Variants in KDM7A observed in about 807,000 individuals in gnomAD.
KDM7A encodes the protein lysine-specific demethylase 7A.
A neutral mutation model predicts 114.8 loss-of-function variants in KDM7A; 28 were observed. The observed-to-expected ratio is 0.24, with a 90% CI of 0.18 to 0.33. The LOEUF (loss-of-function observed/expected upper bound fraction) is 0.33, where lower values mean the gene tolerates loss of function less well. Among genes scored for constraint, KDM7A ranks in the 10% least tolerant of loss-of-function variants. The pLI is 1.00. For missense variants in KDM7A, 942 were observed against 1,142.5 expected (o/e 0.82, Z 2.53); for synonymous variants, 423 against 397.8 (o/e 1.06, Z -0.75).
intron 1 of KDM7A, among the ~76,000 whole-genome samples, chr7:140,165,087 T>C (rs553188872): frequency 1.3e-5 from 2 of 152,274 alleles, no homozygotes; most frequent in Admixed American, 6.5e-5. Flanking sequence ...AAAAGACAAA[T>C]TAAAATAAGT....
intron 1 of KDM7A, among the ~76,000 whole-genome samples, chr7:140,149,018 A>T (rs550116512): frequency 9.2e-5 from 14 of 152,106 alleles, no homozygotes; most frequent in African/African-American, 2.9e-4. Flanking sequence ...CACTTTTCCT[A>T]CCTCCAACAG....
At chr7:140,102,705 G>A (rs1288473437) in intron 11 of KDM7A, among the ~76,000 whole-genome samples, 1 of 152,158 alleles carries the variant, frequency 6.6e-6, no homozygotes, top group Non-Finnish European at 1.5e-5. Context: ...ATTAAAGGCT[G>A]TGTTGCATTC....
At chr7:140,112,096 T>A (rs183202941) in intron 10 of KDM7A, among the ~76,000 whole-genome samples, 1 of 152,370 alleles carries the variant, frequency 6.6e-6, no homozygotes, top group Admixed American at 6.5e-5. Context: ...TAAATTTGCT[T>A]ATGGCTTTCC....
rs534162008 is a variant in KDM7A, at chr7:140,127,053, C to T, written c.702-230G>A. Among the ~76,000 whole-genome samples, 25 of 152,268 alleles carry T rather than the reference C, an allele frequency of 1.6e-4. No individual in the cohort carries two copies. In the East Asian group the frequency reaches 4.1e-3, roughly 25 times the overall value. ...TGGCTCACTGCAAACTCCATCCTGC[C>T]GGGTTCGAGAGATCTCGTGCCTCAG... On this transcript the variant is annotated intron_variant, in intron 5 of 19. Coordinates refer to ENST00000397560, the MANE Select transcript of KDM7A (RefSeq NM_030647.2).
In KDM7A at chr7:140,103,462, C is replaced by G. The variant is rs533145049; in HGVS notation, c.1429-1302G>C. 2.5e-4 allele frequency among the ~76,000 whole-genome samples: 38 copies of G among 151,902 alleles called. No homozygotes were observed. The East Asian group carries it at 5.2e-3, about 21-fold the overall frequency. On this transcript the variant is annotated intron_variant, in intron 11 of 19. Transcript: ENST00000397560. ...TTTCTCCTAATGTTATCCCTCCCCC[C>G]CCCTCCAACCCACGACAGGTCCCAG... is the stretch of plus-strand genomic sequence containing the variant.
intron 1 of KDM7A, among the ~76,000 whole-genome samples, chr7:140,165,745 C>G (rs2107740): frequency 0.63 from 96,006 of 151,876 alleles, 31,397 homozygotes; most frequent in African/African-American, 0.81. Context: ...CTTAATAATG[C>G]CCCCAAAGCA....
intron 11 of KDM7A, among the ~76,000 whole-genome samples, chr7:140,104,965 T>C (rs1276205432): frequency 3.9e-5 from 6 of 152,224 alleles, no homozygotes; most frequent in Admixed American, 6.5e-5. Context: ...TTTTATTTTG[T>C]TGAGCAGTGG....
At position 140,114,477 on chromosome 7, in the gene KDM7A, T is replaced by G. The variant is rs923844875; in HGVS notation, c.1247-895A>C. Among the ~76,000 whole-genome samples, 7 of 152,312 alleles carry G rather than the reference T, an allele frequency of 4.6e-5. No individual in the cohort carries two copies. The East Asian group carries it at 5.8e-4, about 13-fold the overall frequency. ...AGTCTCGTTCACTCAGTGCTCAATG[T>G]TGCCCAGGCTGGAGTGCAGTGGCGT... is the stretch of plus-strand genomic sequence containing the variant. On this transcript the variant is annotated intron_variant, in intron 9 of 19. Coordinates refer to ENST00000397560, the MANE Select transcript of KDM7A (RefSeq NM_030647.2).
At chr7:140,129,221 T>G (rs1315957333) in intron 4 of KDM7A, among the ~76,000 whole-genome samples, 1 of 152,164 alleles carries the variant, frequency 6.6e-6, no homozygotes, top group African/African-American at 2.4e-5. Context: ...CAGTAATGAT[T>G]TTCCCTAAGC....
In KDM7A at chr7:140,088,931, CT is replaced by C. The variant is rs1817976796; in HGVS notation, c.*2162del. 6.5e-6 allele frequency: 1 copy of C among 154,230 alleles called. No individual in the cohort carries two copies. The highest frequency in any genetic ancestry group is 1.4e-5 in the Non-Finnish European group (1 of 69,640). The allele number at this position is 154,230 out of a possible 1,614,324, so 9.6% of individuals were successfully genotyped here. A position where few individuals can be genotyped will look rare whatever the true frequency, so the allele number is the denominator to read the frequency against. The stretch of plus-strand genomic sequence containing the variant: ...TGACTAAAGAAAAAAATAGAAAATA[CT>C]CAAGAGCTGTGAAAAACGTAAAGGA... On this transcript the variant is annotated 3_prime_UTR_variant, in exon 20 of 20. Coordinates refer to ENST00000397560, the MANE Select transcript of KDM7A (RefSeq NM_030647.2).
At chr7:140,161,535 CGTTTTTTT>C (rs1481719584) in intron 1 of KDM7A, among the ~76,000 whole-genome samples, 6 of 151,520 alleles carry the variant, frequency 4.0e-5, no homozygotes, top group East Asian at 3.9e-4. Context: ...TTTGTTTTTT[CGTTTTTTT>C]GTTTTTTTTT....
chr7:140,172,865 TACC>T (rs997210261), intron 1 of KDM7A, among the ~76,000 whole-genome samples: 2 of 152,178 alleles, frequency 1.3e-5, no homozygotes, highest in African/African-American at 4.8e-5. Flanking sequence ...CATATACACA[TACC>T]ACATTATTAA....
intron 1 of KDM7A, among the ~76,000 whole-genome samples, chr7:140,146,972 G>A (rs1031011777): frequency 6.6e-6 from 1 of 151,960 alleles, no homozygotes; most frequent in African/African-American, 2.4e-5. Flanking sequence ...TACTGTCCGT[G>A]GACTTCATTA....
intron 9 of KDM7A, among the ~76,000 whole-genome samples, chr7:140,114,333 G>GGTTTTCGT (rs1301168632): frequency 6.6e-6 from 1 of 152,082 alleles, no homozygotes; most frequent in East Asian, 1.9e-4. Flanking sequence ...ACGCCTGATT[G>GGTTTTCGT]GTTTTCGTAT....
Position 140,149,911 on chromosome 7 carries a change from T to C in KDM7A, c.195-10721A>G, listed in dbSNP as rs544138983. ...GTAATATATATCTGAAGTGTGTATA[T>C]ACATAACAGTATGTATGTGAAGTTC... On this transcript the variant is annotated intron_variant, in intron 1 of 19. Transcript: ENST00000397560. 2.2e-4 allele frequency among the ~76,000 whole-genome samples: 34 copies of C among 152,348 alleles called. 1 individual carries two copies. The South Asian group carries it at 6.6e-3, about 30-fold the overall frequency.
At position 140,088,830 on chromosome 7, in the gene KDM7A, G is replaced by A. The variant is rs1817975205; in HGVS notation, c.*2264C>T. On this transcript the variant is annotated 3_prime_UTR_variant, in exon 20 of 20. Coordinates refer to ENST00000397560, the MANE Select transcript of KDM7A (RefSeq NM_030647.2). ...TCAGCCTAAGGACACAGTGGATACT[G>A]GCCACAATTTTAATTCATAAAAATA... 2 of 288,230 alleles carry A rather than the reference G, an allele frequency of 6.9e-6. No homozygotes were observed. The highest frequency in any genetic ancestry group is 1.3e-5 in the Non-Finnish European group (2 of 158,004). The allele number at this position is 288,230 out of a possible 1,614,324, so 17.9% of individuals were successfully genotyped here. A position where few individuals can be genotyped will look rare whatever the true frequency, so the allele number is the denominator to read the frequency against.
chr7:140,120,370 T>C, intron 8 of KDM7A, 72 bp downstream of exon 8: 1 of 856,144 alleles, frequency 1.2e-6, no homozygotes, highest in Non-Finnish European at 2.0e-6. Context: ...TATTGATTTT[T>C]TTTAAGTTAA....
At position 140,089,297 on chromosome 7, in the gene KDM7A, C is replaced by T. The variant is rs1295175468; in HGVS notation, c.*1797G>A. On this transcript the variant is annotated 3_prime_UTR_variant, in exon 20 of 20. Transcript: ENST00000397560. ...CAGACTTTGGTCCAGTCACTCTGAA[C>T]CAGAAAGGCTACTTCATAAACTATT... 1.3e-5 allele frequency: 2 copies of T among 152,156 alleles called. No homozygotes were observed. The highest frequency in any genetic ancestry group is 2.9e-5 in the Non-Finnish European group (2 of 68,024). The allele number at this position is 152,156 out of a possible 1,614,324, so 9.4% of individuals were successfully genotyped here. A position where few individuals can be genotyped will look rare whatever the true frequency, so the allele number is the denominator to read the frequency against.
chr7:140,122,176 T>C (rs1179793177), intron 7 of KDM7A, among the ~76,000 whole-genome samples: 1 of 152,224 alleles, frequency 6.6e-6, no homozygotes, highest in Admixed American at 6.5e-5. Context: ...GACACACACC[T>C]AGATTGATTT....
Sources: allele counts gnomAD v4.1 joint callset (sites outside exome capture counted in the v4.1 genomes callset), GRCh38; gene constraint gnomAD v4.1.1; transcripts MANE v1.5; gene names NCBI Gene and HGNC (gene_info 2026-07-23, HGNC 2026-07-21).